FANCM: variants seen among roughly 807,000 people sequenced by gnomAD.
The protein encoded by FANCM is FA complementation group M, also known as Fanconi anemia group M protein.
FANCM carries 140 observed loss-of-function variants against 199.5 expected under a neutral mutation model. That is an observed-to-expected ratio of 0.70 (90% confidence interval 0.61 to 0.81). The LOEUF is 0.81. Among genes scored for constraint, FANCM ranks in the 30% least tolerant of loss-of-function variants. The probability of loss-of-function intolerance (pLI) is 0.00; values close to 1 mark genes in which losing one functional copy is unlikely to be tolerated. For missense variants in FANCM, 2,410 were observed against 2,421.4 expected (o/e 1.00, Z 0.10); for synonymous variants, 840 against 836.8 (o/e 1.00, Z -0.07).
chr14:45,177,410 A>T (rs1160661916), intron 14 of FANCM, among the ~76,000 whole-genome samples: 3 of 151,880 alleles, frequency 2.0e-5, no homozygotes, highest in African/African-American at 7.3e-5. Context: ...GTTTTTTTTG[A>T]GACGGAGTTT....
In FANCM at chr14:45,175,895, G is replaced by A. The variant is rs143989229; in HGVS notation, c.3141G>A (p.Gln1047=). The A allele has an allele frequency of 1.9e-6, 3 of 1,613,158 alleles. No homozygotes were observed. Among genetic ancestry groups the A allele is most frequent in the African/African-American group, 2.7e-5 (2 of 74,876 alleles). The change falls in exon 14 of 23, where the codon CAG becomes CAA. Residue 1047 remains glutamine (Q), a synonymous_variant. Transcript: ENST00000267430. The part of the protein sequence containing the change: ...LLSHSAVNSQ[Q]NLELNSLKCI... ...CACATTCAGCTGTGAATTCTCAACA[G>A]AATTTAGAATTGAATTCACTTAAAT... is the stretch of plus-strand genomic sequence containing the variant.
chr14:45,136,290 A>C lies in FANCM; in HGVS notation c.259A>C (p.Thr87Pro). The C allele has an allele frequency of 6.2e-7, 1 of 1,613,926 alleles. No homozygotes were observed. Among genetic ancestry groups the C allele is most frequent in the Non-Finnish European group, 8.5e-7 (1 of 1,180,002 alleles). ...TSAGALWIYP[T>P]NCPVRDYQLH... is the part of the protein sequence containing the mutation. ...CGCGGGCGCCCTGTGGATTTACCCT[A>C]CCAATTGCCCAGTGCGGGACTACCA... The change falls in exon 1 of 23, where the codon ACC (threonine) becomes CCC (proline). Residue 87 changes from threonine to proline, a missense_variant. Transcript: ENST00000267430.
Position 45,175,255 on chromosome 14 carries a change from A to G in FANCM, c.2501A>G (p.Glu834Gly), listed in dbSNP as rs923735366. The G allele has an allele frequency of 1.8e-5, 29 of 1,606,218 alleles. No homozygotes were observed. Among genetic ancestry groups the G allele is most frequent in the Non-Finnish European group, 2.4e-5 (28 of 1,177,636 alleles). Residue 834 changes from glutamate (E) to glycine (G), a missense_variant, in exon 14 of 23, where the codon GAA (glutamate) becomes GGA (glycine). By Grantham distance (98) the Glu-to-Gly change is moderately conservative. Transcript: ENST00000267430. ...TCATCCTCAGTGATAGAATCTGATGAAGAATGTGCTGAAATTGTTAAACAA... is the reference window on the plus strand; with the variant it reads ...TCATCCTCAGTGATAGAATCTGATGGAGAATGTGCTGAAATTGTTAAACAA... ...GSSSSVIESD[E>G]ECAEIVKQTH...
intron 9 of FANCM, among the ~76,000 whole-genome samples, chr14:45,163,979 C>T (rs1887781943): frequency 6.6e-6 from 1 of 152,206 alleles, no homozygotes; most frequent in Admixed American, 6.5e-5. Context: ...AGGCTTTACT[C>T]TGTTGCCTAG....
At chr14:45,153,407 A>G (rs1886957051) in intron 5 of FANCM, among the ~76,000 whole-genome samples, 1 of 152,216 alleles carries the variant, frequency 6.6e-6, no homozygotes, top group Non-Finnish European at 1.5e-5. Context: ...TTTTCACAGG[A>G]CGTATACTTG....
At chr14:45,144,233 A>G (rs1338249277) in intron 3 of FANCM, among the ~76,000 whole-genome samples, 1 of 152,132 alleles carries the variant, frequency 6.6e-6, no homozygotes, top group African/African-American at 2.4e-5. Flanking sequence ...ATTACTGACT[A>G]TAGTCACCCT....
At chr14:45,181,256 G>T (rs1301711033) in intron 14 of FANCM, among the ~76,000 whole-genome samples, 174 bp from the exon 15 acceptor site, 1 of 151,820 alleles carries the variant, frequency 6.6e-6, no homozygotes, top group Non-Finnish European at 1.5e-5. Flanking sequence ...TAATTTTTTT[G>T]TCTCTTGTTT....
rs1054476115 is a variant in FANCM at position 45,200,530 on chromosome 14, AG to A, written c.*524del. ...CTTAACTGAATGTTTATCTGACCAA[AG>A]GTGTGTCCCAGTTAAGTACTGTCAA... On this transcript the variant is annotated 3_prime_UTR_variant, in exon 23 of 23. Transcript: ENST00000267430. The A allele has an allele frequency of 2.6e-5, 4 of 152,904 alleles. No individual in the cohort carries two copies. Among genetic ancestry groups the A allele is most frequent in the African/African-American group, 9.6e-5 (4 of 41,468 alleles). 9.5% of individuals were successfully genotyped at this position (152,904 alleles called of 1,614,324 possible). A position where few individuals can be genotyped will look rare whatever the true frequency, so the allele number is the denominator to read the frequency against.
Position 45,175,520 on chromosome 14 carries a change from GT to G in FANCM, c.2768del (p.Leu923TyrfsTer2), listed in dbSNP as rs1679069982. ...NENVIKEPCV[L>X]LTECQFTNKS... Reference sequence around the variant, plus strand: ...AAAATGTTATTAAAGAACCGTGTGTGTTATTAACAGAGTGTCAGTTTACAAA... The same window carrying G: ...AAAATGTTATTAAAGAACCGTGTGTGTATTAACAGAGTGTCAGTTTACAAA... On this transcript the variant is annotated frameshift_variant, in exon 14 of 23. Coordinates refer to ENST00000267430, the MANE Select transcript of FANCM (RefSeq NM_020937.4). LOFTEE classifies it high-confidence loss of function. 1.2e-6 allele frequency: 2 copies of G among 1,612,644 alleles called. No individual in the cohort carries two copies. Among genetic ancestry groups the G allele is most frequent in the African/African-American group, 2.7e-5 (2 of 74,876 alleles).
intron 20 of FANCM, among the ~76,000 whole-genome samples, chr14:45,192,314 A>G (rs1889812411): frequency 1.3e-5 from 2 of 152,236 alleles, no homozygotes; most frequent in Admixed American, 1.3e-4. Flanking sequence ...TTGCTGATTC[A>G]TGGCAATCAC....
At chr14:45,185,775 T>G (rs532080807) in intron 18 of FANCM, among the ~76,000 whole-genome samples, 2 of 152,204 alleles carry the variant, frequency 1.3e-5, no homozygotes, top group Admixed American at 6.5e-5. Context: ...AACTAAATTA[T>G]TTAGTTTATT....
In FANCM at chr14:45,164,536, A is replaced by G. The variant is rs1440150641; in HGVS notation, c.1759A>G (p.Ile587Val). The change falls in exon 10 of 23, where the codon ATT becomes GTT. Residue 587 changes from isoleucine to valine, a missense_variant. Transcript: ENST00000267430. ...CCGTAAACGTCAAGGCAGGATAGTT[A>G]TTATCCTTTCTGAAGGACGAGAGGA... ...TGRKRQGRIVIILSEGREERI... is the reference protein window; with the variant it reads ...TGRKRQGRIVVILSEGREERI... The G allele has an allele frequency of 4.3e-6, 7 of 1,613,338 alleles. No individual in the cohort carries two copies. The South Asian group carries it at 7.7e-5, about 18-fold the overall frequency.
Position 45,151,598 on chromosome 14 carries a change from A to G in FANCM, c.1050+70A>G, listed in dbSNP as rs1189553402. 2.9e-5 allele frequency: 41 copies of G among 1,409,428 alleles called. No individual in the cohort carries two copies. In the South Asian group the frequency reaches 3.8e-4, roughly 13 times the overall value. 87.3% of individuals were successfully genotyped at this position (1,409,428 alleles called of 1,614,324 possible). On this transcript the variant is annotated intron_variant, in intron 5 of 22. Coordinates refer to ENST00000267430, the MANE Select transcript of FANCM (RefSeq NM_020937.4). The stretch of plus-strand genomic sequence containing the variant: ...TGAAAGCCAGGATAAAACATAGGTA[A>G]TGATATTTTGGGTACCTATTAGCTC...
chr14:45,177,554 G>A (rs1413623011), intron 14 of FANCM, among the ~76,000 whole-genome samples: 2 of 152,108 alleles, frequency 1.3e-5, no homozygotes, highest in African/African-American at 4.8e-5. Context: ...ATCATGCCCG[G>A]CTAAGTTTTG....
intron 18 of FANCM, 94 bp from the exon 19 acceptor site, chr14:45,187,687 A>G (rs1594813231): frequency 1.5e-6 from 1 of 653,378 alleles, no homozygotes; most frequent in East Asian, 2.8e-5. Flanking sequence ...CAAGGTTTGA[A>G]TCAAGTAAAT....
In FANCM at chr14:45,189,003, A is replaced by T. The variant is rs1324848045; in HGVS notation, c.4981A>T (p.Lys1661Ter). The T allele has an allele frequency of 6.2e-7, 1 of 1,614,004 alleles. No homozygotes were observed. The highest frequency in any genetic ancestry group is 1.7e-5 in the Admixed American group (1 of 60,002). Residue 1661 changes from lysine to a stop codon, truncating the protein, a stop_gained, in exon 20 of 23, where the codon AAA becomes TAA. Transcript: ENST00000267430. LOFTEE classifies it high-confidence loss of function. ...EMMEQNCAHS[K>*]KKLSRIILPD... ...GATGGAACAAAATTGTGCACATTCA[A>T]AAAAGAAATTATCCAGAATTATTTT...
Position 45,159,254 on chromosome 14 carries a change from G to C in FANCM, c.1555G>C (p.Gly519Arg). The C allele has an allele frequency of 6.2e-7, 1 of 1,613,146 alleles. No homozygotes were observed. Among genetic ancestry groups the C allele is most frequent in the Non-Finnish European group, 8.5e-7 (1 of 1,179,450 alleles). ...VGHASGKSTK[G>R]FTQKEQLEVV... ...CCATGCCTCAGGGAAAAGCACGAAG[G>C]GTTTTACCCAGAAGGAGCAACTGGA... The change falls in exon 9 of 23, where the codon GGT (glycine) becomes CGT (arginine). Residue 519 changes from glycine (G) to arginine (R), a missense_variant. Physicochemically the swap from Gly to Arg is moderately radical, Grantham distance 125. Coordinates refer to ENST00000267430, the MANE Select transcript of FANCM (RefSeq NM_020937.4).
In FANCM at chr14:45,185,373, G is replaced by C. The variant is rs1251556461; in HGVS notation, c.4672G>C (p.Asp1558His). 2.6e-6 allele frequency: 4 copies of C among 1,554,542 alleles called. No homozygotes were observed. The highest frequency in any genetic ancestry group is 3.5e-6 in the Non-Finnish European group (4 of 1,136,490). Residue 1558 changes from aspartate to histidine, a missense_variant and splice_region_variant, in exon 18 of 23, where the codon GAT (aspartate) becomes CAT (histidine). Transcript: ENST00000267430. ...DETQLSQAIN[D>H]SEMRAIYMKS... ...AACTCAACTTTCACAGGCTATAAAT[G>C]GTAAATGTTATAATGATCCTTAAAA...
In FANCM at chr14:45,166,982, T is replaced by G. The variant is rs776629979; in HGVS notation, c.1821T>G (p.Ser607Arg). ...ATCAGAGTCAGTCCAACAAAAGAAG[T>G]ATATATAAAGCTATTTCAAGTAACA... Reference protein sequence around the residue: ...IYNQSQSNKRSIYKAISSNRQ... With the variant: ...IYNQSQSNKRRIYKAISSNRQ... Residue 607 changes from serine (S) to arginine (R), a missense_variant, in exon 11 of 23, where the codon AGT becomes AGG. Ser to Arg is a moderately radical substitution (Grantham distance 110). Coordinates refer to ENST00000267430, the MANE Select transcript of FANCM (RefSeq NM_020937.4). The G allele has an allele frequency of 6.3e-7, 1 of 1,595,832 alleles. No individual in the cohort carries two copies. Among genetic ancestry groups the G allele is most frequent in the Non-Finnish European group, 8.6e-7 (1 of 1,163,472 alleles).
Sources: allele counts gnomAD v4.1 joint callset (sites outside exome capture counted in the v4.1 genomes callset), GRCh38; gene constraint gnomAD v4.1.1; transcripts MANE v1.5; gene names NCBI Gene and HGNC (gene_info 2026-07-23, HGNC 2026-07-21).